GYG2: variants seen among roughly 807,000 people sequenced by gnomAD.
The protein encoded by GYG2 is glycogenin-2.
GYG2 carries 29 observed loss-of-function variants against 29.4 expected under a neutral mutation model. The ratio of observed to expected loss-of-function variants is 0.99; its 90% CI spans 0.74 to 1.35. GYG2 has a LOEUF of 1.35. Among genes scored for constraint, GYG2 ranks in the 40% most tolerant of loss-of-function variants. The pLI, the probability that GYG2 is intolerant of heterozygous loss-of-function variation, is 0.00. For synonymous variants in GYG2, 167 were observed against 172.3 expected (o/e 0.97, Z 0.24); for missense variants, 370 against 385.7 (o/e 0.96, Z 0.34).
chrX:2,880,366 A>G (rs2088693275), intron 10 of GYG2, among the ~76,000 whole-genome samples: 1 of 108,726 alleles, frequency 9.2e-6, no homozygotes, highest in African/African-American at 3.4e-5. Flanking sequence ...TAGTTTGGTT[A>G]TTCACTGTCA....
intron 2 of GYG2, among the ~76,000 whole-genome samples, chrX:2,841,771 A>G (rs1442824266): frequency 3.6e-5 from 4 of 111,898 alleles, no homozygotes; most frequent in Non-Finnish European, 7.5e-5. Flanking sequence ...GTGGTCGCCT[A>G]CATGCTGAGC....
chrX:2,869,099 G>C (rs1366158481), intron 8 of GYG2, among the ~76,000 whole-genome samples: 1 of 111,108 alleles, frequency 9.0e-6, no homozygotes, highest in African/African-American at 3.3e-5. Context: ...CATATCTGTG[G>C]ATTCAACCAA....
intron 8 of GYG2, among the ~76,000 whole-genome samples, chrX:2,872,695 A>T (rs1187623922): frequency 3.6e-5 from 4 of 112,259 alleles, no homozygotes; most frequent in African/African-American, 1.3e-4. Context: ...AGATGACAGA[A>T]ACAGATTGAC....
rs1308326509 is a variant in GYG2 at position 2,843,218 on chromosome X, G to T, written c.13G>T (p.Asp5Tyr). 5.8e-6 allele frequency: 7 copies of T among 1,205,174 alleles called. No homozygotes were observed. The highest frequency in any genetic ancestry group is 7.9e-6 in the Non-Finnish European group (7 of 889,638). MSVTDQAFVTLATND... is the reference protein window; with the variant it reads MSVTYQAFVTLATND... ...GTTTCTGTTGATTTTCACAGTGACT[G>T]ATCAGGCTTTTGTCACACTAGCCAC... Residue 5 changes from aspartate (D) to tyrosine (Y), a missense_variant, in exon 3 of 11, where the codon GAT (aspartate) becomes TAT (tyrosine). Transcript: ENST00000398806.
At chrX:2,837,850 C>T (rs2087408599) in intron 2 of GYG2, among the ~76,000 whole-genome samples, 1 of 107,598 alleles carries the variant, frequency 9.3e-6, no homozygotes, top group Non-Finnish European at 1.9e-5. Context: ...CACACACACA[C>T]ACACACACAC....
At chrX:2,836,122 G>C (rs754864027) in intron 2 of GYG2, among the ~76,000 whole-genome samples, 1 of 111,449 alleles carries the variant, frequency 9.0e-6, no homozygotes, top group Non-Finnish European at 1.9e-5. Flanking sequence ...TGAGCTGGAC[G>C]TGGGGACTGA....
chrX:2,859,176 T>C (rs957078064), intron 6 of GYG2, among the ~76,000 whole-genome samples: 3 of 111,779 alleles, frequency 2.7e-5, no homozygotes, highest in African/African-American at 9.7e-5. Context: ...ATTGATGATA[T>C]ATTGATTACT....
intron 2 of GYG2, among the ~76,000 whole-genome samples, chrX:2,838,001 C>T (rs1377462179): frequency 9.4e-6 from 1 of 106,617 alleles, no homozygotes; most frequent in Admixed American, 1.0e-4. Flanking sequence ...TCTCAGCTTC[C>T]CAAGTAGCTG....
At chrX:2,863,030 C>T (rs112710378) in intron 8 of GYG2, among the ~76,000 whole-genome samples, 1,293 of 108,515 alleles carry the variant, frequency 0.012, 21 homozygotes, top group African/African-American at 0.042. Flanking sequence ...ACTGCACTCC[C>T]GCCTGGGTGA....
At chrX:2,831,231 A>G (rs955702345) in intron 2 of GYG2, among the ~76,000 whole-genome samples, 1 of 112,595 alleles carries the variant, frequency 8.9e-6, no homozygotes, top group African/African-American at 3.2e-5. Flanking sequence ...TTTTAAATGT[A>G]TATTTTTTAA....
At chrX:2,866,268 G>A (rs972835390) in intron 8 of GYG2, among the ~76,000 whole-genome samples, 1 of 112,021 alleles carries the variant, frequency 8.9e-6, no homozygotes, top group African/African-American at 3.2e-5. Context: ...GCTGAGGCAG[G>A]ATGATTGCTT....
intron 8 of GYG2, among the ~76,000 whole-genome samples, chrX:2,874,228 A>G (rs1412269224): frequency 2.7e-5 from 3 of 112,522 alleles, no homozygotes; most frequent in Non-Finnish European, 5.6e-5. Flanking sequence ...ACTAATAATG[A>G]CTTTTGGGGG....
At position 2,877,236 on chromosome X, in the gene GYG2, G is replaced by A; in HGVS notation, c.1180G>A (p.Glu394Lys). ...TAAAGTCGAAAGTGTCTCATCCGAGGAAACCTTCGAACCAAGCCAGGAACT... is the reference window on the plus strand; with the variant it reads ...TAAAGTCGAAAGTGTCTCATCCGAGAAAACCTTCGAACCAAGCCAGGAACT... Reference protein sequence around the residue: ...ANKVESVSSEETFEPSQELPA... With the variant: ...ANKVESVSSEKTFEPSQELPA... The change falls in exon 10 of 11, where the codon GAA becomes AAA. Residue 394 changes from glutamate (E) to lysine (K), a missense_variant. Glu to Lys is a moderately conservative substitution (Grantham distance 56, BLOSUM62 1). Transcript: ENST00000398806. 1.7e-6 allele frequency: 2 copies of A among 1,209,907 alleles called. No individual in the cohort carries two copies. The highest frequency in any genetic ancestry group is 2.2e-6 in the Non-Finnish European group (2 of 894,361).
At chrX:2,870,361 C>G (rs1253129044) in intron 8 of GYG2, among the ~76,000 whole-genome samples, 2 of 110,526 alleles carry the variant, frequency 1.8e-5, no homozygotes, top group African/African-American at 6.6e-5. Context: ...GCCACTACAC[C>G]TGGCTAATTT....
At chrX:2,879,270 C>CT (rs752455317) in intron 10 of GYG2, among the ~76,000 whole-genome samples, 2,578 of 93,400 alleles carry the variant, frequency 0.028, 45 homozygotes, top group African/African-American at 0.048. Context: ...TATCTATTTT[C>CT]TTTTTTTTTT....
intron 7 of GYG2, among the ~76,000 whole-genome samples, 193 bp from the exon 8 acceptor site, chrX:2,861,329 G>A (rs920975038): frequency 1.8e-5 from 2 of 111,637 alleles, no homozygotes. Flanking sequence ...CTAAGTACTG[G>A]ATTGCATAGG....
At chrX:2,873,898 T>C (rs910097099) in intron 8 of GYG2, among the ~76,000 whole-genome samples, 9 of 110,075 alleles carry the variant, frequency 8.2e-5, no homozygotes, top group African/African-American at 3.0e-4. Flanking sequence ...AAGACCAGCC[T>C]GGCCAAGATG....
intron 8 of GYG2, among the ~76,000 whole-genome samples, 199 bp from the exon 9 acceptor site, chrX:2,875,611 G>A (rs1367601611): frequency 1.8e-5 from 2 of 108,814 alleles, no homozygotes; most frequent in Admixed American, 2.0e-4. Context: ...GTCACAAAAT[G>A]CACTTAGACA....
At chrX:2,857,356 A>T (rs892114274) in intron 6 of GYG2, among the ~76,000 whole-genome samples, 3 of 109,978 alleles carry the variant, frequency 2.7e-5, no homozygotes, top group Non-Finnish European at 5.7e-5. Context: ...CTAGAACTAG[A>T]TATCTATGTA....
Sources: gnomAD v4.1 joint callset for allele counts (sites outside exome capture counted in the v4.1 genomes callset) on GRCh38, gnomAD v4.1.1 for gene constraint, MANE v1.5 for transcripts, NCBI Gene and HGNC (gene_info 2026-07-23, HGNC 2026-07-21) for gene names.